NTM: variants seen among roughly 807,000 people sequenced by gnomAD.
NTM encodes neurotrimin, also known as IgLON family member 2.
NTM carries 13 observed loss-of-function variants against 42.1 expected under a neutral mutation model. The observed-to-expected ratio is 0.31, with a 90% CI of 0.20 to 0.49. The LOEUF (loss-of-function observed/expected upper bound fraction) is 0.49. Ranked by LOEUF, NTM falls within the 20% of genes least tolerant of loss-of-function variation. The probability of loss-of-function intolerance (pLI) is 0.99; values close to 1 mark genes in which losing one functional copy is unlikely to be tolerated. For missense variants in NTM, 373 were observed against 452.8 expected (o/e 0.82, Z 1.60); for synonymous variants, 187 against 179.2 (o/e 1.04, Z -0.35).
At chr11:131,846,781 T>C (rs1377121501) in intron 1 of NTM, among the ~76,000 whole-genome samples, 2 of 152,128 alleles carry the variant, frequency 1.3e-5, no homozygotes, top group East Asian at 3.9e-4. Flanking sequence ...GAGCTGAGGC[T>C]GGGCTGAGGA....
At chr11:131,455,118 C>A (rs1950773806) in intron 1 of NTM, among the ~76,000 whole-genome samples, 1 of 152,184 alleles carries the variant, frequency 6.6e-6, no homozygotes, top group Non-Finnish European at 1.5e-5. Flanking sequence ...CTCAGCAAGA[C>A]TTAAAATCTG....
chr11:131,964,787 T>G (rs1247199415), intron 2 of NTM, among the ~76,000 whole-genome samples: 1 of 152,170 alleles, frequency 6.6e-6, no homozygotes, highest in Non-Finnish European at 1.5e-5. Context: ...CATTCCACAT[T>G]TTAATGCAGT....
chr11:131,820,803 G>A (rs1448424646), intron 1 of NTM, among the ~76,000 whole-genome samples: 1 of 152,128 alleles, frequency 6.6e-6, no homozygotes, highest in East Asian at 1.9e-4. Flanking sequence ...GGAGTGTTCT[G>A]TGATCAATCA....
At chr11:131,471,016 C>T (rs1359540892) in intron 1 of NTM, among the ~76,000 whole-genome samples, 4 of 152,206 alleles carry the variant, frequency 2.6e-5, no homozygotes, top group African/African-American at 7.2e-5. Context: ...TCCTGCCATA[C>T]ATTTTTACAG....
intron 4 of NTM, among the ~76,000 whole-genome samples, chr11:132,234,666 A>C (rs1283013245): frequency 1.3e-5 from 2 of 152,226 alleles, no homozygotes; most frequent in Non-Finnish European, 2.9e-5. Context: ...AATAATAATG[A>C]TTTCAACAAG....
intron 3 of NTM, among the ~76,000 whole-genome samples, chr11:132,166,678 C>T (rs901778802): frequency 1.3e-5 from 2 of 152,206 alleles, no homozygotes; most frequent in African/African-American, 4.8e-5. Flanking sequence ...CTACTAAGTG[C>T]AAGCCACTGT....
intron 1 of NTM, among the ~76,000 whole-genome samples, chr11:131,817,411 T>C (rs2092994676): frequency 6.6e-6 from 1 of 152,302 alleles, no homozygotes; most frequent in East Asian, 1.9e-4. Context: ...TGGATAGTAC[T>C]GACTTTTTTT....
intron 1 of NTM, among the ~76,000 whole-genome samples, chr11:131,731,949 C>G (rs1028462030): frequency 6.6e-6 from 1 of 152,100 alleles, no homozygotes; most frequent in Admixed American, 6.6e-5. Context: ...TATCTGAAGC[C>G]CTACTAGTCT....
chr11:132,296,395 A>G (rs901256374), intron 4 of NTM, among the ~76,000 whole-genome samples: 1 of 152,160 alleles, frequency 6.6e-6, no homozygotes, highest in African/African-American at 2.4e-5. Flanking sequence ...CTTTTCCTAT[A>G]GTTTGTTCCT....
chr11:131,447,385 G>A (rs1480188626), intron 1 of NTM, among the ~76,000 whole-genome samples: 2 of 152,100 alleles, frequency 1.3e-5, no homozygotes, highest in African/African-American at 2.4e-5. Context: ...TCCCACTTGG[G>A]CCCTGATGAA....
At chr11:132,047,237 G>T (rs2078150666) in intron 2 of NTM, among the ~76,000 whole-genome samples, 1 of 152,244 alleles carries the variant, frequency 6.6e-6, no homozygotes, top group South Asian at 2.1e-4. Context: ...CTCCAGAAGG[G>T]AAGTTTATCC....
chr11:131,549,036 G>T (rs2054305961), intron 1 of NTM, among the ~76,000 whole-genome samples: 1 of 152,118 alleles, frequency 6.6e-6, no homozygotes, highest in Non-Finnish European at 1.5e-5. Flanking sequence ...AGGAATGAAT[G>T]AATGAATGAA....
chr11:131,392,622 G>T (rs1944150513), intron 1 of NTM, among the ~76,000 whole-genome samples: 1 of 152,220 alleles, frequency 6.6e-6, no homozygotes, highest in Admixed American at 6.5e-5. Context: ...TGAAGAGAGG[G>T]CAGGAGGAGT....
intron 3 of NTM, among the ~76,000 whole-genome samples, chr11:132,170,596 C>T (rs749317637): frequency 3.3e-5 from 5 of 152,086 alleles, no homozygotes; most frequent in Non-Finnish European, 7.4e-5. Context: ...TAAATGTCTA[C>T]AAGTTATAGG....
chr11:131,889,952 T>C (rs1309510022), intron 1 of NTM, among the ~76,000 whole-genome samples: 1 of 152,078 alleles, frequency 6.6e-6, no homozygotes, highest in East Asian at 1.9e-4. Context: ...TTAGCTCCTT[T>C]CCCAAATCCC....
At chr11:132,207,239 G>C (rs891473170) in intron 3 of NTM, among the ~76,000 whole-genome samples, 1 of 152,162 alleles carries the variant, frequency 6.6e-6, no homozygotes, top group Non-Finnish European at 1.5e-5. Flanking sequence ...ACTCCCCATT[G>C]CTGGCAATAC....
rs149768697 is a variant in NTM, at chr11:131,657,480, G to A, written c.83-254084G>A. The stretch of plus-strand genomic sequence containing the variant: ...CAGCCTCTTCTTCGAAGTTTTTGTT[G>A]ATGGTCTCCACCAATTCCAGTTTGT... On this transcript the variant is annotated intron_variant, in intron 1 of 8. Coordinates refer to ENST00000683400, the MANE Select transcript of NTM (RefSeq NM_001352005.2). Among the ~76,000 whole-genome samples, 149 of 152,340 alleles carry A rather than the reference G, an allele frequency of 9.8e-4. 3 individuals carry two copies. In the East Asian group the frequency reaches 0.028, roughly 28 times the overall value.
intron 3 of NTM, among the ~76,000 whole-genome samples, chr11:132,169,325 T>A (rs946067054): frequency 2.3e-5 from 2 of 85,498 alleles, no homozygotes; most frequent in African/African-American, 1.0e-4. Context: ...TTTTACTTTT[T>A]TTTTTTTTTT....
intron 1 of NTM, among the ~76,000 whole-genome samples, chr11:131,412,826 C>T (rs1403267064): frequency 1.3e-5 from 2 of 148,786 alleles, no homozygotes; most frequent in Admixed American, 1.3e-4. Context: ...GTGTATGTTT[C>T]TTAATCATCA....
Sources: gnomAD v4.1 joint callset for allele counts (sites outside exome capture counted in the v4.1 genomes callset) on GRCh38, gnomAD v4.1.1 for gene constraint, MANE v1.5 for transcripts, NCBI Gene and HGNC (gene_info 2026-07-23, HGNC 2026-07-21) for gene names.